EYS: variants seen among roughly 807,000 people sequenced by gnomAD.
EYS encodes the protein protein eyes shut homolog.
In EYS, 250 loss-of-function variants were observed where a neutral mutation model predicts 282.1. That is an observed-to-expected ratio of 0.89 (90% confidence interval 0.80 to 0.98). The LOEUF (loss-of-function observed/expected upper bound fraction) is 0.98, where lower values mean the gene tolerates loss of function less well. Ranked by LOEUF, EYS falls within the 50% of genes least tolerant of loss-of-function variation. EYS has a pLI of 0.00. For missense variants in EYS, 4,016 were observed against 3,709.0 expected (o/e 1.08, Z -2.15); for synonymous variants, 1,355 against 1,282.9 (o/e 1.06, Z -1.20).
intron 31 of EYS, among the ~76,000 whole-genome samples, chr6:64,187,429 G>T (rs1278550154): frequency 6.6e-6 from 1 of 152,032 alleles, no homozygotes. Flanking sequence ...TTACTGGTGA[G>T]ATTTAACGTA....
At chr6:65,557,131 C>T (rs1241556732) in intron 2 of EYS, among the ~76,000 whole-genome samples, 5 of 152,142 alleles carry the variant, frequency 3.3e-5, no homozygotes, top group African/African-American at 4.8e-5. Context: ...CAAGATCCTT[C>T]GGGTGTCACT....
chr6:64,590,139 C>T, intron 26 of EYS, 84 bp downstream of exon 26: 1 of 1,240,858 alleles, frequency 8.1e-7, no homozygotes. Flanking sequence ...TTCAGAGCAC[C>T]CGGTGACCAT....
At chr6:64,757,725 ATT>A (rs746137950) in intron 22 of EYS, among the ~76,000 whole-genome samples, 12,736 of 129,844 alleles carry the variant, frequency 0.098, 758 homozygotes, top group East Asian at 0.25. Context: ...CAAAAGATTA[ATT>A]TTTTTTCTTT....
intron 22 of EYS, among the ~76,000 whole-genome samples, chr6:64,644,663 A>G (rs1231785248): frequency 2.0e-5 from 3 of 152,196 alleles, no homozygotes; most frequent in Admixed American, 6.5e-5. Context: ...ATGATGAGCA[A>G]GGAAATTATA....
At chr6:64,980,992 C>G (rs2150116531) in intron 14 of EYS, among the ~76,000 whole-genome samples, 1 of 151,322 alleles carries the variant, frequency 6.6e-6, no homozygotes, top group African/African-American at 2.4e-5. Context: ...AACTGAGGCC[C>G]AGATTTAAGT....
chr6:65,035,335 G>T (rs772725755), intron 13 of EYS, among the ~76,000 whole-genome samples: 1 of 152,052 alleles, frequency 6.6e-6, no homozygotes, highest in Non-Finnish European at 1.5e-5. Flanking sequence ...ACATAGCACC[G>T]GAAGTCCTAG....
intron 35 of EYS, among the ~76,000 whole-genome samples, chr6:63,914,150 T>G (rs1764354707): frequency 1.3e-5 from 2 of 152,166 alleles, no homozygotes; most frequent in South Asian, 4.1e-4. Context: ...GGACTCCCTA[T>G]ACCCCAAGAC....
chr6:65,238,606 A>T (rs1225052452), intron 12 of EYS, among the ~76,000 whole-genome samples: 3 of 152,020 alleles, frequency 2.0e-5, no homozygotes, highest in African/African-American at 7.2e-5. Flanking sequence ...AAGCACTTTT[A>T]AAAAATAATG....
At chr6:63,865,087 T>C (rs1411126995) in intron 35 of EYS, among the ~76,000 whole-genome samples, 1 of 152,194 alleles carries the variant, frequency 6.6e-6, no homozygotes, top group African/African-American at 2.4e-5. Context: ...CCATGTTGTC[T>C]GGGAGACACA....
At chr6:64,819,696 A>G (rs965970303) in intron 21 of EYS, among the ~76,000 whole-genome samples, 1 of 151,958 alleles carries the variant, frequency 6.6e-6, no homozygotes, top group African/African-American at 2.4e-5. Flanking sequence ...ATTTCTTTGG[A>G]GAGCAGCAAA....
chr6:64,090,316 A>C (rs760566348), intron 31 of EYS, among the ~76,000 whole-genome samples: 1 of 152,150 alleles, frequency 6.6e-6, no homozygotes, highest in African/African-American at 2.4e-5. Context: ...AATCTTTAAC[A>C]TAGATAGAGC....
chr6:65,468,841 C>T (rs868556827), intron 5 of EYS, among the ~76,000 whole-genome samples: 12 of 152,006 alleles, frequency 7.9e-5, no homozygotes, highest in African/African-American at 2.7e-4. Context: ...ATGTCTCATT[C>T]ATTTCTGTGA....
chr6:65,095,362 T>A (rs1774709478), intron 12 of EYS, among the ~76,000 whole-genome samples: 1 of 150,862 alleles, frequency 6.6e-6, no homozygotes, highest in South Asian at 2.1e-4. Flanking sequence ...GCAGTTAATA[T>A]CCATATATTG....
At chr6:65,228,148 T>A (rs1442494987) in intron 12 of EYS, among the ~76,000 whole-genome samples, 20 of 152,096 alleles carry the variant, frequency 1.3e-4, no homozygotes, top group Admixed American at 1.2e-3. Flanking sequence ...GCAGTCTATG[T>A]GGAAACAAGG....
intron 12 of EYS, among the ~76,000 whole-genome samples, chr6:65,078,745 T>A (rs1774133787): frequency 6.6e-6 from 1 of 151,988 alleles, no homozygotes; most frequent in Non-Finnish European, 1.5e-5. Flanking sequence ...TATTTGTCCC[T>A]GCCCAAATCT....
At chr6:64,100,993 G>A (rs985437517) in intron 31 of EYS, among the ~76,000 whole-genome samples, 3 of 150,988 alleles carry the variant, frequency 2.0e-5, no homozygotes, top group Admixed American at 6.6e-5. Flanking sequence ...CTTTTTTTTT[G>A]TGTCTCATGC....
intron 19 of EYS, among the ~76,000 whole-genome samples, chr6:64,839,817 A>G (rs1396240647): frequency 6.6e-6 from 1 of 152,026 alleles, no homozygotes; most frequent in Non-Finnish European, 1.5e-5. Flanking sequence ...TGGAAGGACA[A>G]ATAGGAAGGG....
At chr6:64,064,144 A>C (rs3003689) in intron 33 of EYS, among the ~76,000 whole-genome samples, 3,809 of 152,236 alleles carry the variant, frequency 0.025, 171 homozygotes, top group African/African-American at 0.086. Flanking sequence ...TGTTTCTTTC[A>C]TTAACAACAT....
chr6:64,030,685 C>T (rs1034221580), intron 33 of EYS, among the ~76,000 whole-genome samples: 2 of 152,188 alleles, frequency 1.3e-5, no homozygotes, highest in African/African-American at 4.8e-5. Flanking sequence ...CCGTGTCAGC[C>T]ATCTTGTTAT....
Sources: allele counts gnomAD v4.1 joint callset (sites outside exome capture counted in the v4.1 genomes callset), GRCh38; gene constraint gnomAD v4.1.1; transcripts MANE v1.5; gene names NCBI Gene and HGNC (gene_info 2026-07-23, HGNC 2026-07-21).